Variants in NRXN3 observed in about 807,000 individuals in gnomAD.
NRXN3 encodes neurexin III.
NRXN3 carries 32 observed loss-of-function variants against 137.6 expected under a neutral mutation model. That is an observed-to-expected ratio of 0.23 (90% CI 0.18 to 0.31). The LOEUF (loss-of-function observed/expected upper bound fraction) is 0.31. Ranked by LOEUF, NRXN3 falls within the 10% of genes least tolerant of loss-of-function variation. NRXN3 has a pLI of 1.00. For synonymous variants in NRXN3, 798 were observed against 784.5 expected (o/e 1.02, Z -0.29); for missense variants, 1,574 against 2,062.5 (o/e 0.76, Z 4.59).
chr14:78,392,639 G>A (rs1279067160), intron 4 of NRXN3, among the ~76,000 whole-genome samples: 1 of 152,132 alleles, frequency 6.6e-6, no homozygotes, highest in East Asian at 1.9e-4. Context: ...TGTGGATTTA[G>A]TGAGATGATA....
At chr14:79,200,828 A>ATTT (rs56194422) in intron 15 of NRXN3, among the ~76,000 whole-genome samples, 1 of 59,052 alleles carries the variant, frequency 1.7e-5, no homozygotes, top group African/African-American at 6.0e-5. Context: ...TGTGAGCTGT[A>ATTT]TTTTTTTTTT....
chr14:79,594,007 T>TA (rs1567604275), intron 16 of NRXN3, among the ~76,000 whole-genome samples: 1 of 151,938 alleles, frequency 6.6e-6, no homozygotes, highest in African/African-American at 2.4e-5. Flanking sequence ...ATCCTTTTTT[T>TA]GAAAAAAAGC....
At chr14:79,592,582 T>C (rs574271449) in intron 16 of NRXN3, among the ~76,000 whole-genome samples, 25 of 147,464 alleles carry the variant, frequency 1.7e-4, no homozygotes, top group Admixed American at 4.6e-4. Flanking sequence ...GCCCATCAAT[T>C]TCTACTGATA....
chr14:78,526,093 C>A (rs1457115153), intron 4 of NRXN3, among the ~76,000 whole-genome samples: 2 of 152,242 alleles, frequency 1.3e-5, no homozygotes, highest in African/African-American at 4.8e-5. Flanking sequence ...AGAATGAAAG[C>A]CATAGGAAAC....
chr14:78,682,762 T>C (rs192933874), intron 6 of NRXN3, among the ~76,000 whole-genome samples: 38 of 152,172 alleles, frequency 2.5e-4, no homozygotes, highest in Admixed American at 1.4e-3. Flanking sequence ...AGCACAAAGA[T>C]AGCTTTCCCA....
At chr14:78,283,589 A>G (rs1240158600) in intron 3 of NRXN3, among the ~76,000 whole-genome samples, 1 of 151,516 alleles carries the variant, frequency 6.6e-6, no homozygotes, top group Non-Finnish European at 1.5e-5. Context: ...GCTCACTGCA[A>G]CCTCTGCCTC....
At chr14:78,963,450 C>T (rs1332197804) in intron 11 of NRXN3, among the ~76,000 whole-genome samples, 1 of 152,184 alleles carries the variant, frequency 6.6e-6, no homozygotes, top group Non-Finnish European at 1.5e-5. Context: ...ATGACTCCCC[C>T]TCCCCATCAT....
chr14:79,491,564 C>T (rs770680823), intron 16 of NRXN3, among the ~76,000 whole-genome samples: 1 of 151,778 alleles, frequency 6.6e-6, no homozygotes, highest in South Asian at 2.1e-4. Context: ...CAAAGAGGCA[C>T]TAATGTACCC....
intron 15 of NRXN3, among the ~76,000 whole-genome samples, chr14:79,370,667 C>G (rs1213679900): frequency 6.6e-6 from 1 of 152,034 alleles, no homozygotes; most frequent in Admixed American, 6.6e-5. Flanking sequence ...ATGTTTGACT[C>G]CAAAATACAT....
At chr14:79,437,855 C>T (rs1024336108) in intron 15 of NRXN3, among the ~76,000 whole-genome samples, 1 of 152,156 alleles carries the variant, frequency 6.6e-6, no homozygotes, top group Non-Finnish European at 1.5e-5. Context: ...TCATGCTGTC[C>T]TCAAATGTAA....
At chr14:78,684,509 A>G (rs2098108264) in intron 6 of NRXN3, among the ~76,000 whole-genome samples, 1 of 152,318 alleles carries the variant, frequency 6.6e-6, no homozygotes, top group Non-Finnish European at 1.5e-5. Flanking sequence ...TATGTGGTAA[A>G]TAGAAAATTC....
rs60429358 is a variant in NRXN3, at chr14:78,943,621, A to AAT, written c.2276-13564_2276-13563dup. Among the ~76,000 whole-genome samples, 65 of 27,864 alleles carry AAT rather than the reference A, an allele frequency of 2.3e-3. 1 individual carries two copies. The highest frequency in any genetic ancestry group is 3.3e-3 in the South Asian group (2 of 602). 18.3% of individuals were successfully genotyped at this position (27,864 alleles called of 152,430 possible). On this transcript the variant is annotated intron_variant, in intron 10 of 20. Coordinates refer to ENST00000335750, the MANE Select transcript of NRXN3 (RefSeq NM_001330195.2). ...AGCAAGATCACTGTTAAAAAAAAAA[A>AAT]ATATATATATATATATATATATATA...
At chr14:78,577,536 G>A (rs1170769232) in intron 4 of NRXN3, among the ~76,000 whole-genome samples, 1 of 152,060 alleles carries the variant, frequency 6.6e-6, no homozygotes, top group African/African-American at 2.4e-5. Context: ...CACGATCCCT[G>A]CTCACTACAA....
chr14:78,619,280 A>G (rs889663446), intron 4 of NRXN3, among the ~76,000 whole-genome samples: 1 of 152,136 alleles, frequency 6.6e-6, no homozygotes, highest in Non-Finnish European at 1.5e-5. Flanking sequence ...TGAATTTTCC[A>G]TTTATTCTTG....
intron 19 of NRXN3, among the ~76,000 whole-genome samples, chr14:79,797,680 G>C (rs1251377793): frequency 6.6e-6 from 1 of 152,178 alleles, no homozygotes; most frequent in African/African-American, 2.4e-5. Flanking sequence ...TTACCACACT[G>C]TGAGGTTGTT....
At chr14:79,539,398 C>G (rs1181363006) in intron 16 of NRXN3, among the ~76,000 whole-genome samples, 7 of 152,182 alleles carry the variant, frequency 4.6e-5, no homozygotes, top group Non-Finnish European at 1.0e-4. Context: ...TCTCTGTTGA[C>G]TCTCAGAACC....
At chr14:78,512,644 A>G (rs2096130124) in intron 4 of NRXN3, among the ~76,000 whole-genome samples, 1 of 152,182 alleles carries the variant, frequency 6.6e-6, no homozygotes, top group Non-Finnish European at 1.5e-5. Context: ...ACAGGCCACT[A>G]GACAGTCACT....
At chr14:78,501,681 G>A (rs2095878621) in intron 4 of NRXN3, among the ~76,000 whole-genome samples, 2 of 152,068 alleles carry the variant, frequency 1.3e-5, no homozygotes, top group Admixed American at 1.3e-4. Context: ...ATTCTGGAAG[G>A]TATCTGATAT....
chr14:78,709,648 C>T lies in NRXN3; in HGVS notation c.1653C>T (p.Gly551=). The T allele has an allele frequency of 1.2e-6, 2 of 1,609,520 alleles. No individual in the cohort carries two copies. Among genetic ancestry groups the T allele is most frequent in the Non-Finnish European group, 1.7e-6 (2 of 1,178,392 alleles). ...ACCATGTGGACATTCAGCGAGATGG[C>T]AGATCAGGTAGGAAGAGGCAGGATG... ...EWYHVDIQRD[G]RSGTISVNSR... The change falls in exon 7 of 21, where the codon GGC becomes GGT. Residue 551 remains glycine (G), a synonymous_variant. Transcript: ENST00000335750.
Sources: gnomAD v4.1 joint callset for allele counts (sites outside exome capture counted in the v4.1 genomes callset) on GRCh38, gnomAD v4.1.1 for gene constraint, MANE v1.5 for transcripts, NCBI Gene and HGNC (gene_info 2026-07-23, HGNC 2026-07-21) for gene names.